Variants in STON2 observed in about 807,000 individuals in gnomAD.
STON2 encodes stonin-2.
A neutral mutation model predicts 65.7 loss-of-function variants in STON2; 29 were observed. The observed-to-expected ratio is 0.44, with a 90% CI of 0.33 to 0.60. The LOEUF (loss-of-function observed/expected upper bound fraction) is 0.60. STON2 is among the 20% of genes least tolerant of loss of function. The probability of loss-of-function intolerance (pLI) is 0.03; values close to 1 mark genes in which losing one functional copy is unlikely to be tolerated. For synonymous variants in STON2, 404 were observed against 414.2 expected (o/e 0.98, Z 0.30); for missense variants, 1,054 against 1,118.1 (o/e 0.94, Z 0.82).
chr14:81,278,783 T>C (rs2140124938), intron 5 of STON2, 44 bp from the exon 6 acceptor site: 2 of 1,445,418 alleles, frequency 1.4e-6, no homozygotes, highest in South Asian at 3.0e-5. Flanking sequence ...TCAGGGGCTC[T>C]AGAGGTAAGG....
intron 3 of STON2, among the ~76,000 whole-genome samples, chr14:81,384,482 C>T (rs765611556): frequency 2.4e-4 from 35 of 148,662 alleles, no homozygotes; most frequent in Non-Finnish European, 4.5e-4. Context: ...GTGATCTGCC[C>T]GCCTCAGCCT....
chr14:81,397,932 G>A (rs1363042187), intron 2 of STON2, among the ~76,000 whole-genome samples: 1 of 152,122 alleles, frequency 6.6e-6, no homozygotes, highest in Non-Finnish European at 1.5e-5. Flanking sequence ...GTGCAACAGG[G>A]ATTTGAACCC....
intron 5 of STON2, among the ~76,000 whole-genome samples, chr14:81,315,280 T>C (rs892201992): frequency 4.6e-5 from 7 of 152,194 alleles, no homozygotes; most frequent in Non-Finnish European, 1.5e-5. Flanking sequence ...TGCTACCAAC[T>C]ACAGATAAAA....
intron 5 of STON2, among the ~76,000 whole-genome samples, chr14:81,319,098 G>C (rs143626184): frequency 6.6e-6 from 1 of 152,194 alleles, no homozygotes; most frequent in African/African-American, 2.4e-5. Flanking sequence ...CGCCTCTAGA[G>C]TCCAGCCTAA....
At chr14:81,319,857 T>A (rs577760121) in intron 5 of STON2, among the ~76,000 whole-genome samples, 15 of 152,294 alleles carry the variant, frequency 9.8e-5, no homozygotes, top group African/African-American at 3.1e-4. Flanking sequence ...AGTGACTGAA[T>A]CTCTTCTACT....
intron 2 of STON2, among the ~76,000 whole-genome samples, chr14:81,422,908 A>G (rs1309147951): frequency 6.6e-6 from 1 of 151,898 alleles, no homozygotes; most frequent in Non-Finnish European, 1.5e-5. Context: ...GGAGGTATGC[A>G]CCTGTAATCC....
chr14:81,399,759 T>C (rs1380385829), intron 1 of STON2, among the ~76,000 whole-genome samples: 9 of 152,226 alleles, frequency 5.9e-5, no homozygotes, highest in Non-Finnish European at 1.3e-4. Flanking sequence ...AAATTTGGGC[T>C]GAGAAAAATT....
intron 2 of STON2, among the ~76,000 whole-genome samples, chr14:81,411,057 T>C (rs961403188): frequency 1.3e-5 from 2 of 152,222 alleles, no homozygotes; most frequent in African/African-American, 2.4e-5. Context: ...CACTGTAAAA[T>C]TAGGTTGCCT....
Position 81,267,532 on chromosome 14 carries a change from A to G in STON2, c.*882T>C, listed in dbSNP as rs1196176000. 1.0e-6 allele frequency: 1 copy of G among 985,244 alleles called. No individual in the cohort carries two copies. Among genetic ancestry groups the G allele is most frequent in the Admixed American group, 6.1e-5 (1 of 16,270 alleles). 61.0% of individuals were successfully genotyped at this position (985,244 alleles called of 1,614,324 possible). A position where few individuals can be genotyped will look rare whatever the true frequency, so the allele number is the denominator to read the frequency against. On this transcript the variant is annotated 3_prime_UTR_variant, in exon 8 of 8. Coordinates refer to ENST00000614646, the MANE Select transcript of STON2 (RefSeq NM_001394390.1). ...CTTACAAATGCCTCAGGTATTATGTATATTTGTTTCAGGAATCAGAAGTGG... is the reference window on the plus strand; with the variant it reads ...CTTACAAATGCCTCAGGTATTATGTGTATTTGTTTCAGGAATCAGAAGTGG...
intron 1 of STON2, among the ~76,000 whole-genome samples, chr14:81,430,632 G>C (rs1169842961): frequency 6.6e-6 from 1 of 152,122 alleles, no homozygotes; most frequent in East Asian, 1.9e-4. Context: ...TGTATCTATA[G>C]AATTTTGGTC....
At position 81,276,993 on chromosome 14, in the gene STON2, G is replaced by C; in HGVS notation, c.2489C>G (p.Pro830Arg). 1 of 1,614,218 alleles carries C rather than the reference G, an allele frequency of 6.2e-7. No individual in the cohort carries two copies. Among genetic ancestry groups the C allele is most frequent in the Non-Finnish European group, 8.5e-7 (1 of 1,180,040 alleles). The change falls in exon 6 of 8, where the codon CCT becomes CGT. Residue 830 changes from proline to arginine, a missense_variant. Pro to Arg is a moderately radical substitution (Grantham distance 103, BLOSUM62 -2). Transcript: ENST00000614646. ...AGTTCCCAGAGTTACTCTCATGACA[G>C]GCTCAGAGCCAGAAACACTAGTGGA... ...FGSTSVSGSE[P>R]VMRVTLGTAK...
chr14:81,278,385 C>T lies in STON2; in HGVS notation c.1097G>A (p.Trp366Ter). Residue 366 changes from tryptophan to a stop codon, truncating the protein, a stop_gained, in exon 6 of 8, where the codon TGG becomes TAG. Transcript: ENST00000614646. LOFTEE classifies it high-confidence loss of function. The stretch of plus-strand genomic sequence containing the variant: ...ATTCAGGAAAGGGTTGGTTGCCCTC[C>T]AAGGTGAAGCCTCAGTTACAGAAGG... The part of the protein sequence containing the change: ...RTPSVTEASP[W>*]RATNPFLNET... The T allele has an allele frequency of 6.2e-7, 1 of 1,614,178 alleles. No individual in the cohort carries two copies. Among genetic ancestry groups the T allele is most frequent in the Non-Finnish European group, 8.5e-7 (1 of 1,180,046 alleles).
In STON2 at chr14:81,264,369, A is replaced by C; in HGVS notation, c.*4045T>G. The C allele has an allele frequency of 1.2e-5, 12 of 984,614 alleles. No individual in the cohort carries two copies. Among genetic ancestry groups the C allele is most frequent in the Non-Finnish European group, 1.4e-5 (12 of 829,116 alleles). 61.0% of individuals were successfully genotyped at this position (984,614 alleles called of 1,614,324 possible). On this transcript the variant is annotated 3_prime_UTR_variant, in exon 8 of 8. Transcript: ENST00000614646. ...TATTATGAGTATTTGATGATAAGTA[A>C]GGGTTAAGTAGCCTTCGAGTCTCAG...
At chr14:81,337,939 A>G (rs1897438660) in intron 4 of STON2, among the ~76,000 whole-genome samples, 1 of 152,200 alleles carries the variant, frequency 6.6e-6, no homozygotes, top group African/African-American at 2.4e-5. Context: ...CCATAAATAA[A>G]AAAAGAAAAC....
At chr14:81,318,337 C>G (rs1307973125) in intron 5 of STON2, among the ~76,000 whole-genome samples, 1 of 152,086 alleles carries the variant, frequency 6.6e-6, no homozygotes, top group Non-Finnish European at 1.5e-5. Context: ...TTCCACATCA[C>G]GAGGAGCAGA....
chr14:81,353,442 C>T (rs539419393), intron 4 of STON2, among the ~76,000 whole-genome samples: 1 of 152,282 alleles, frequency 6.6e-6, no homozygotes, highest in African/African-American at 2.4e-5. Context: ...CAACTAGCAA[C>T]TATCCATAGA....
At chr14:81,380,023 CACA>C (rs1170855165) in intron 3 of STON2, among the ~76,000 whole-genome samples, 2 of 152,062 alleles carry the variant, frequency 1.3e-5, no homozygotes, top group African/African-American at 4.8e-5. Flanking sequence ...AGAGCTTCTG[CACA>C]ACAAAAGAAA....
At chr14:81,404,027 T>C (rs1045819366), upstream of STON2, among the ~76,000 whole-genome samples, 1 of 152,200 alleles carries the variant, frequency 6.6e-6, no homozygotes, top group African/African-American at 2.4e-5. Context: ...GTATGGCTTT[T>C]AGTAAATGCT....
intron 2 of STON2, among the ~76,000 whole-genome samples, chr14:81,416,106 C>T (rs1901418428): frequency 6.6e-6 from 1 of 152,216 alleles, no homozygotes; most frequent in African/African-American, 2.4e-5. Flanking sequence ...CCGTTGTTAA[C>T]TCTAGCCATG....
Sources: allele counts gnomAD v4.1 joint callset (sites outside exome capture counted in the v4.1 genomes callset), GRCh38; gene constraint gnomAD v4.1.1; transcripts MANE v1.5; gene names NCBI Gene and HGNC (gene_info 2026-07-23, HGNC 2026-07-21).